The following TBC1D20 variants were observed in gnomAD, a reference collection of about 807,000 sequenced individuals.
TBC1D20 encodes chromosome 20 open reading frame 140.
A neutral mutation model predicts 41.6 loss-of-function variants in TBC1D20; 12 were observed. The ratio of observed to expected loss-of-function variants is 0.29; its 90% CI spans 0.18 to 0.47. The LOEUF (loss-of-function observed/expected upper bound fraction) is 0.47, where lower values mean the gene tolerates loss of function less well. Ranked by LOEUF, TBC1D20 falls within the 20% of genes least tolerant of loss-of-function variation. TBC1D20 has a pLI of 1.00. For missense variants in TBC1D20, 421 were observed against 517.4 expected (o/e 0.81, Z 1.81); for synonymous variants, 205 against 204.8 (o/e 1.00, Z -0.01).
chr20:446,943 A>AGT lies in TBC1D20; in HGVS notation c.256+945_256+946insAC, dbSNP rs1491315984. ...CACCTCGCCCAGCCACAAAATACGC[A>AGT]TTTTTTTTTTTTTTTTTTTTTTTTG... On this transcript the variant is annotated intron_variant, in intron 2 of 7. Transcript: ENST00000354200. Among the ~76,000 whole-genome samples the AGT allele has an allele frequency of 3.2e-4, 24 of 75,910 alleles. 1 individual carries two copies. The highest frequency in any genetic ancestry group is 9.1e-4 in the South Asian group (2 of 2,204). 49.8% of individuals were successfully genotyped at this position (75,910 alleles called of 152,430 possible). A position where few individuals can be genotyped will look rare whatever the true frequency, so the allele number is the denominator to read the frequency against.
At position 462,497 on chromosome 20, in the gene TBC1D20, G is replaced by A. The variant is rs1323895470; in HGVS notation, c.-92C>T. 5.6e-6 allele frequency: 4 copies of A among 708,518 alleles called. No individual in the cohort carries two copies. The highest frequency in any genetic ancestry group is 5.4e-4 in the Middle Eastern group (1 of 1,866). 43.9% of individuals were successfully genotyped at this position (708,518 alleles called of 1,614,324 possible). ...GACCGCGGGACGTAGCACCCGCTCG[G>A]CATCGGCAGGCTCCCCTCCGTCGGC... is the stretch of plus-strand genomic sequence containing the variant. On this transcript the variant is annotated 5_prime_UTR_variant, in exon 1 of 8. Transcript: ENST00000354200.
chr20:462,360 A>C lies in TBC1D20; in HGVS notation c.46T>G (p.Trp16Gly), dbSNP rs2017648855. ...AQGDGPTSGH[W>G]DGGAEKADFN... is the part of the protein sequence containing the mutation. Reference sequence around the variant, plus strand: ...CCTGCCTTCTCCGCGCCGCCGTCCCAGTGGCCGGAGGTGGGGCCGTCGCCC... The same window carrying C: ...CCTGCCTTCTCCGCGCCGCCGTCCCCGTGGCCGGAGGTGGGGCCGTCGCCC... The change falls in exon 1 of 8, where the codon TGG (tryptophan) becomes GGG (glycine). Residue 16 changes from tryptophan to glycine, a missense_variant. Trp to Gly is a radical substitution (Grantham distance 184, BLOSUM62 -2). Transcript: ENST00000354200. 2 of 1,306,732 alleles carry C rather than the reference A, an allele frequency of 1.5e-6. No individual in the cohort carries two copies. The highest frequency in any genetic ancestry group is 1.5e-5 in the African/African-American group (1 of 65,078). The allele number at this position is 1,306,732 out of a possible 1,614,324, so 80.9% of individuals were successfully genotyped here.
At chr20:454,305 A>G (rs2017505114) in intron 1 of TBC1D20, among the ~76,000 whole-genome samples, 1 of 151,564 alleles carries the variant, frequency 6.6e-6, no homozygotes, top group African/African-American at 2.4e-5. Flanking sequence ...GAAAAAAAAA[A>G]GTGTACGAGT....
intron 6 of TBC1D20, 127 bp downstream of exon 6, chr20:440,121 G>A: frequency 8.1e-7 from 1 of 1,229,600 alleles, no homozygotes; most frequent in Non-Finnish European, 1.1e-6. Flanking sequence ...ATGGTGTCCA[G>A]GGACACCAGC....
intron 3 of TBC1D20, among the ~76,000 whole-genome samples, chr20:444,428 G>A (rs959050938): frequency 3.0e-4 from 45 of 152,280 alleles, no homozygotes; most frequent in African/African-American, 9.6e-4. Flanking sequence ...GTTGCCAGAG[G>A]AAGAAAAATA....
In TBC1D20 at chr20:439,131, G is replaced by A. The variant is rs34115918; in HGVS notation, c.933C>T (p.Ala311=). The A allele has an allele frequency of 2.7e-5, 43 of 1,613,328 alleles. No individual in the cohort carries two copies. In the African/African-American group the frequency reaches 3.7e-4, roughly 14 times the overall value. ...ACCTCTCAGCTTGCTGTTGGGCAGC[G>A]GCCTCCCGAGCAAGTTCGGATGGGG... The part of the protein sequence containing the change: ...QFPPSELARE[A]AAQQQAERTA... Residue 311 remains alanine, a synonymous_variant, in exon 7 of 8, where the codon GCC becomes GCT. Coordinates refer to ENST00000354200, the MANE Select transcript of TBC1D20 (RefSeq NM_144628.4). The surrounding 1 kb of genome is among the most constrained non-coding windows in gnomAD (Gnocchi z 4.6).
intron 5 of TBC1D20, 116 bp downstream of exon 5, chr20:441,467 GAACTT>G: frequency 1.2e-6 from 1 of 836,374 alleles, no homozygotes; most frequent in Non-Finnish European, 2.0e-6. Context: ...CAACTGGGGA[GAACTT>G]AACAAATCCA....
At chr20:440,116 G>T in intron 6 of TBC1D20, 132 bp downstream of exon 6, 1 of 1,207,498 alleles carries the variant, frequency 8.3e-7, no homozygotes, top group Non-Finnish European at 1.2e-6. Context: ...ACAGAATGGT[G>T]TCCAGGGACA....
At chr20:450,331 A>C (rs866816603) in intron 1 of TBC1D20, among the ~76,000 whole-genome samples, 3 of 146,642 alleles carry the variant, frequency 2.0e-5, no homozygotes, top group Non-Finnish European at 4.5e-5. Context: ...TTTTTTTTTT[A>C]GACAGGGTTT....
chr20:446,899 T>G (rs2017341879), intron 2 of TBC1D20, among the ~76,000 whole-genome samples: 1 of 151,576 alleles, frequency 6.6e-6, no homozygotes, highest in Admixed American at 6.6e-5. Flanking sequence ...CCGAAAGTGC[T>G]GGAATTACAG....
intron 2 of TBC1D20, 72 bp downstream of exon 2, chr20:447,817 T>C (rs1190675040): frequency 1.4e-5 from 19 of 1,362,848 alleles, no homozygotes; most frequent in Admixed American, 2.3e-5. Context: ...CCATAAAAAT[T>C]AAAGATCCTG....
chr20:442,978 T>C (rs578178992), intron 3 of TBC1D20, among the ~76,000 whole-genome samples: 31 of 152,082 alleles, frequency 2.0e-4, no homozygotes, highest in Non-Finnish European at 2.2e-4. Context: ...CAGGCGCCTG[T>C]AGTCCCAGCT....
intron 1 of TBC1D20, chr20:450,556 G>A (rs1266159063): frequency 6.6e-6 from 1 of 152,088 alleles, no homozygotes; most frequent in East Asian, 1.9e-4. Flanking sequence ...TGCATACAAA[G>A]GAACTGTTTC....
At position 436,569 on chromosome 20, in the gene TBC1D20, TACAA is replaced by T. The variant is rs1283880764; in HGVS notation, c.*2013_*2016del. On this transcript the variant is annotated 3_prime_UTR_variant, in exon 8 of 8. Transcript: ENST00000354200. ...CAACCCCATCAATTCCTTCAGTATT[TACAA>T]ACAGGCTTGAGTACTTGTGGAAGGA... The T allele has an allele frequency of 2.0e-5, 3 of 153,716 alleles. No individual in the cohort carries two copies. The highest frequency in any genetic ancestry group is 2.9e-5 in the Non-Finnish European group (2 of 68,048). The allele number at this position is 153,716 out of a possible 1,614,324, so 9.5% of individuals were successfully genotyped here. A position where few individuals can be genotyped will look rare whatever the true frequency, so the allele number is the denominator to read the frequency against.
intron 2 of TBC1D20, among the ~76,000 whole-genome samples, chr20:447,455 C>T (rs929181323): frequency 6.6e-5 from 10 of 151,708 alleles, no homozygotes; most frequent in Non-Finnish European, 1.3e-4. Context: ...GTCAGGAATT[C>T]GAGACCAGCC....
chr20:458,374 C>G (rs1195418996), intron 1 of TBC1D20, among the ~76,000 whole-genome samples: 1 of 150,960 alleles, frequency 6.6e-6, no homozygotes, highest in African/African-American at 2.4e-5. Context: ...AGAATAGTGG[C>G]ACGATCATGG....
chr20:451,359 A>G (rs2017438794), intron 1 of TBC1D20, among the ~76,000 whole-genome samples: 3 of 152,184 alleles, frequency 2.0e-5, no homozygotes, highest in Non-Finnish European at 2.9e-5. Flanking sequence ...AGCCTGGCCA[A>G]CATGGTGAAA....
intron 1 of TBC1D20, among the ~76,000 whole-genome samples, chr20:452,878 G>A (rs960915722): frequency 6.6e-6 from 1 of 152,104 alleles, no homozygotes; most frequent in African/African-American, 2.4e-5. Flanking sequence ...GGCTGGGCAC[G>A]GTGGTTCATG....
Position 462,464 on chromosome 20 carries a change from G to A in TBC1D20, c.-59C>T, listed in dbSNP as rs566082514. 92 of 1,052,426 alleles carry A rather than the reference G, an allele frequency of 8.7e-5. No homozygotes were observed. The highest frequency in any genetic ancestry group is 3.7e-4 in the Middle Eastern group (1 of 2,678). The allele number at this position is 1,052,426 out of a possible 1,614,324, so 65.2% of individuals were successfully genotyped here. On this transcript the variant is annotated 5_prime_UTR_variant, in exon 1 of 8. Coordinates refer to ENST00000354200, the MANE Select transcript of TBC1D20 (RefSeq NM_144628.4). ...GCTGGTGGCGGAGCCGGGAGAAGACGCGGCTCCGACCGCGGGACGTAGCAC... is the reference window on the plus strand; with the variant it reads ...GCTGGTGGCGGAGCCGGGAGAAGACACGGCTCCGACCGCGGGACGTAGCAC...
Sources: gnomAD v4.1 joint callset for allele counts (sites outside exome capture counted in the v4.1 genomes callset) on GRCh38, gnomAD v4.1.1 for gene constraint, Gnocchi (gnomAD v3.1) non-coding constraint, MANE v1.5 for transcripts, NCBI Gene and HGNC (gene_info 2026-07-23, HGNC 2026-07-21) for gene names.